Variants in ZNF569 observed in about 807,000 individuals in gnomAD.
ZNF569 encodes the protein DNA-binding protein.
A neutral mutation model predicts 56.3 loss-of-function variants in ZNF569; 38 were observed. The ratio of observed to expected loss-of-function variants is 0.68; its 90% CI spans 0.52 to 0.88. The LOEUF (loss-of-function observed/expected upper bound fraction) is 0.88. Among genes scored for constraint, ZNF569 ranks in the 40% least tolerant of loss-of-function variants. The pLI, the probability that ZNF569 is intolerant of heterozygous loss-of-function variation, is 0.00. For missense variants in ZNF569, 666 were observed against 809.2 expected (o/e 0.82, Z 2.15); for synonymous variants, 241 against 262.9 (o/e 0.92, Z 0.81).
chr19:37,450,019 G>T (rs1042629941), intron 2 of ZNF569, among the ~76,000 whole-genome samples: 1 of 151,976 alleles, frequency 6.6e-6, no homozygotes, highest in African/African-American at 2.4e-5. Context: ...CTCCCACTTA[G>T]TCATTGTGGA....
chr19:37,435,082 G>A (rs1481124782), intron 3 of ZNF569, among the ~76,000 whole-genome samples: 1 of 152,062 alleles, frequency 6.6e-6, no homozygotes. Flanking sequence ...CTGAGATCAC[G>A]CCACTACGCT....
intron 3 of ZNF569, among the ~76,000 whole-genome samples, chr19:37,427,282 A>G (rs2146893132): frequency 6.6e-6 from 1 of 151,474 alleles, no homozygotes; most frequent in African/African-American, 2.4e-5. Context: ...GCACCACTAC[A>G]CTCCAGCCTG....
intron 3 of ZNF569, among the ~76,000 whole-genome samples, chr19:37,429,369 A>G (rs1043123341): frequency 6.6e-6 from 1 of 152,260 alleles, no homozygotes. Flanking sequence ...TGGCAGAGCA[A>G]TGAAGGAGAA....
intron 2 of ZNF569, among the ~76,000 whole-genome samples, chr19:37,452,892 G>A (rs1480985297): frequency 1.3e-5 from 2 of 152,064 alleles, no homozygotes; most frequent in Non-Finnish European, 2.9e-5. Flanking sequence ...TTTAAAATAA[G>A]CTTTCTGGTC....
At chr19:37,418,009 G>A (rs1003905979) in intron 5 of ZNF569, among the ~76,000 whole-genome samples, 1 of 151,884 alleles carries the variant, frequency 6.6e-6, no homozygotes, top group African/African-American at 2.4e-5. Context: ...GCTGAGGCAG[G>A]AGAATCGCTT....
At chr19:37,458,746 T>C (rs2041712865) in intron 2 of ZNF569, among the ~76,000 whole-genome samples, 1 of 152,234 alleles carries the variant, frequency 6.6e-6, no homozygotes. Context: ...GCAATGAATT[T>C]AAAATAACTA....
intron 5 of ZNF569, among the ~76,000 whole-genome samples, chr19:37,414,890 A>G (rs576217282): frequency 6.6e-6 from 1 of 152,264 alleles, no homozygotes; most frequent in African/African-American, 2.4e-5. Context: ...ACCAATTTCC[A>G]TAAAATGAAA....
At chr19:37,454,147 A>G (rs1251888132) in intron 2 of ZNF569, among the ~76,000 whole-genome samples, 2 of 152,198 alleles carry the variant, frequency 1.3e-5, no homozygotes, top group South Asian at 2.1e-4. Context: ...CCAGGCTTCA[A>G]TAATATCCTC....
upstream of ZNF569, chr19:37,469,234 C>G: frequency 1.5e-6 from 2 of 1,364,302 alleles, no homozygotes; most frequent in East Asian, 2.9e-5. Flanking sequence ...GGAGCTGCAC[C>G]GCTGCTGCCA....
intron 2 of ZNF569, among the ~76,000 whole-genome samples, chr19:37,451,306 AG>A (rs1197832698): frequency 1.3e-5 from 2 of 151,356 alleles, no homozygotes; most frequent in African/African-American, 4.9e-5. Context: ...AGGCTGAGGC[AG>A]GAGAATCACT....
rs894676982 is a variant in ZNF569 at position 37,428,732 on chromosome 19, T to G, written c.16-2354A>C. On this transcript the variant is annotated intron_variant, in intron 3 of 5. Transcript: ENST00000316950. Reference sequence around the variant, plus strand: ...CTGTTGCCCAGGCTGGAGTGCAGTGTGGCGTGATGTTGGCTCTCTACAACC... The same window carrying G: ...CTGTTGCCCAGGCTGGAGTGCAGTGGGGCGTGATGTTGGCTCTCTACAACC... Among the ~76,000 whole-genome samples, 5 of 151,380 alleles carry G rather than the reference T, an allele frequency of 3.3e-5. No homozygotes were observed. The East Asian group carries it at 9.7e-4, about 29-fold the overall frequency.
In ZNF569 at chr19:37,413,985, G is replaced by A. The variant is rs2040885134; in HGVS notation, c.673C>T (p.His225Tyr). Residue 225 changes from histidine to tyrosine, a missense_variant, in exon 6 of 6, where the codon CAC (histidine) becomes TAC (tyrosine). Coordinates refer to ENST00000316950, the MANE Select transcript of ZNF569 (RefSeq NM_152484.3). ...ECSNCRKAFS[H>Y]KEKLIKHYKI... ...TAATGTTTAATAAGTTTTTCCTTGT[G>A]ACTGAAGGCTTTTCTACAGTTACTA... is the stretch of plus-strand genomic sequence containing the variant. 1 of 1,613,548 alleles carries A rather than the reference G, an allele frequency of 6.2e-7. No individual in the cohort carries two copies. Among genetic ancestry groups the A allele is most frequent in the South Asian group, 1.1e-5 (1 of 91,052 alleles).
Position 37,413,091 on chromosome 19 carries a change from C to T in ZNF569, c.1567G>A (p.Asp523Asn), listed in dbSNP as rs140809946. The T allele has an allele frequency of 4.3e-6, 7 of 1,613,658 alleles. No homozygotes were observed. The highest frequency in any genetic ancestry group is 5.9e-6 in the Non-Finnish European group (7 of 1,179,816). ...AAGGCTTTACCACATTCATTACAAT[C>T]ATAAGGTTTCTCTCCAGTATGAACT... ...QKVHTGEKPY[D>N]CNECGKAFSQ... Residue 523 changes from aspartate to asparagine, a missense_variant, in exon 6 of 6, where the codon GAT (aspartate) becomes AAT (asparagine). Asp to Asn is a conservative substitution (Grantham distance 23). Transcript: ENST00000316950.
intron 3 of ZNF569, among the ~76,000 whole-genome samples, chr19:37,437,267 G>A (rs2041325507): frequency 6.6e-6 from 1 of 152,100 alleles, no homozygotes; most frequent in Non-Finnish European, 1.5e-5. Context: ...AAAAGCATTT[G>A]ATAAAATTCA....
intron 3 of ZNF569, among the ~76,000 whole-genome samples, chr19:37,437,140 A>C (rs1390150044): frequency 6.6e-6 from 1 of 152,174 alleles, no homozygotes; most frequent in Non-Finnish European, 1.5e-5. Flanking sequence ...ATCATGACCA[A>C]GTGGGATTTA....
chr19:37,444,384 T>C (rs1411668806), intron 3 of ZNF569, among the ~76,000 whole-genome samples: 2 of 152,236 alleles, frequency 1.3e-5, no homozygotes, highest in African/African-American at 4.8e-5. Context: ...CAGTCATCTG[T>C]TCTTTTTTAT....
At chr19:37,464,118 C>A (rs1248079214) in intron 2 of ZNF569, among the ~76,000 whole-genome samples, 1 of 152,070 alleles carries the variant, frequency 6.6e-6, no homozygotes. Flanking sequence ...CACTAACGTC[C>A]TAACCCTTCA....
intron 3 of ZNF569, among the ~76,000 whole-genome samples, chr19:37,434,315 A>G (rs1320381941): frequency 2.0e-5 from 3 of 151,574 alleles, no homozygotes; most frequent in African/African-American, 7.3e-5. Context: ...AAAAAAAAAA[A>G]GGAAAGATGA....
chr19:37,460,424 T>C (rs1371398661), intron 2 of ZNF569, among the ~76,000 whole-genome samples: 1 of 152,050 alleles, frequency 6.6e-6, no homozygotes, highest in Non-Finnish European at 1.5e-5. Flanking sequence ...ATTACACGCA[T>C]GAGCCACCAC....
Sources: gnomAD v4.1 joint callset for allele counts (sites outside exome capture counted in the v4.1 genomes callset) on GRCh38, gnomAD v4.1.1 for gene constraint, MANE v1.5 for transcripts, NCBI Gene and HGNC (gene_info 2026-07-23, HGNC 2026-07-21) for gene names.